The following NRXN1 variants were observed in gnomAD, a reference collection of about 807,000 sequenced individuals.
NRXN1 encodes the protein neurexin-1.
In NRXN1, 39 loss-of-function variants were observed where a neutral mutation model predicts 150.9. The observed-to-expected ratio is 0.26, with a 90% CI of 0.20 to 0.34. NRXN1 has a LOEUF of 0.34. NRXN1 is among the 10% of genes least tolerant of loss of function. NRXN1 has a pLI of 1.00. For synonymous variants in NRXN1, 924 were observed against 757.0 expected (o/e 1.22, Z -3.62); for missense variants, 1,815 against 1,949.9 (o/e 0.93, Z 1.30).
intron 18 of NRXN1, among the ~76,000 whole-genome samples, chr2:50,104,915 G>C (rs955948181): frequency 5.9e-5 from 9 of 151,966 alleles, no homozygotes; most frequent in African/African-American, 2.2e-4. Flanking sequence ...GTACTTTTCA[G>C]ACCTCCACTC....
intron 17 of NRXN1, among the ~76,000 whole-genome samples, chr2:50,369,286 T>G (rs904891351): frequency 2.0e-5 from 3 of 152,048 alleles, no homozygotes; most frequent in African/African-American, 7.2e-5. Context: ...ACTTAATGTG[T>G]ATTATATATA....
At position 50,524,217 on chromosome 2, in the gene NRXN1, G is replaced by A. The variant is rs545692600; in HGVS notation, c.2374+4408C>T. 7.9e-5 allele frequency among the ~76,000 whole-genome samples: 12 copies of A among 152,200 alleles called. No homozygotes were observed. In the East Asian group the frequency reaches 1.2e-3, roughly 15 times the overall value. Reference sequence around the variant, plus strand: ...CCTGAGGACGGGTGTGGTGGCTCACGCCTGTAATCCCAGCACTTTGGGAGG... The same window carrying A: ...CCTGAGGACGGGTGTGGTGGCTCACACCTGTAATCCCAGCACTTTGGGAGG... On this transcript the variant is annotated intron_variant, in intron 12 of 22. Transcript: ENST00000401669.
At chr2:50,556,375 C>G (rs911621935) in intron 8 of NRXN1, among the ~76,000 whole-genome samples, 2 of 152,020 alleles carry the variant, frequency 1.3e-5, no homozygotes, top group African/African-American at 4.8e-5. Context: ...ATTCTTATGT[C>G]AAAAGTTGCA....
intron 21 of NRXN1, among the ~76,000 whole-genome samples, chr2:50,007,602 G>A (rs916242215): frequency 3.9e-5 from 6 of 152,064 alleles, no homozygotes; most frequent in Admixed American, 3.9e-4. Flanking sequence ...TAGTGTATAT[G>A]TGCCACATTT....
chr2:50,712,997 C>T (rs940581105), intron 5 of NRXN1, among the ~76,000 whole-genome samples: 3 of 152,010 alleles, frequency 2.0e-5, no homozygotes, highest in Non-Finnish European at 4.4e-5. Flanking sequence ...ATCTTTTGTG[C>T]TTGTATATCT....
intron 5 of NRXN1, among the ~76,000 whole-genome samples, chr2:50,882,058 C>A (rs1023472348): frequency 2.6e-4 from 39 of 151,664 alleles, no homozygotes; most frequent in African/African-American, 7.7e-4. Context: ...ATAAAACAAC[C>A]ACTAAAAGGA....
intron 19 of NRXN1, among the ~76,000 whole-genome samples, chr2:50,080,864 T>G (rs1697854197): frequency 6.6e-6 from 1 of 152,148 alleles, no homozygotes; most frequent in Non-Finnish European, 1.5e-5. Context: ...ATTGGAAGCA[T>G]GTTTAATTAG....
chr2:50,154,536 A>G (rs2058896169), intron 18 of NRXN1, among the ~76,000 whole-genome samples: 1 of 151,826 alleles, frequency 6.6e-6, no homozygotes, highest in South Asian at 2.1e-4. Flanking sequence ...TATTGTTAAA[A>G]AAAGGACAGT....
intron 5 of NRXN1, among the ~76,000 whole-genome samples, chr2:50,629,832 C>T (rs1681930176): frequency 6.6e-6 from 1 of 151,412 alleles, no homozygotes; most frequent in Non-Finnish European, 1.5e-5. Context: ...ACCATTTGCT[C>T]TTAAGAGTAA....
chr2:50,180,032 T>C (rs2060599576), intron 18 of NRXN1, among the ~76,000 whole-genome samples: 1 of 152,288 alleles, frequency 6.6e-6, no homozygotes, highest in African/African-American at 2.4e-5. Context: ...TATTAATTTA[T>C]TTAGAGACAG....
At chr2:50,474,683 CAAAAA>C (rs754558377) in intron 15 of NRXN1, among the ~76,000 whole-genome samples, 152 of 55,004 alleles carry the variant, frequency 2.8e-3, no homozygotes, top group African/African-American at 0.012. Context: ...ACAGAAATAG[CAAAAA>C]AAAAAAAAAA....
At chr2:50,683,646 A>AAAAAAAAAAAAAAAAAAAT in intron 5 of NRXN1, among the ~76,000 whole-genome samples, 2 of 14,902 alleles carry the variant, frequency 1.3e-4, no homozygotes, top group African/African-American at 7.2e-4. Context: ...AAAAAAAAAA[A>AAAAAAAAAAAAAAAAAAAT]ATATATATAT....
chr2:49,952,505 C>G (rs1352735097), intron 21 of NRXN1, among the ~76,000 whole-genome samples: 5 of 151,952 alleles, frequency 3.3e-5, no homozygotes, highest in Non-Finnish European at 7.4e-5. Context: ...ATGGAGTTAA[C>G]CCAGAGAGTT....
intron 8 of NRXN1, among the ~76,000 whole-genome samples, chr2:50,565,361 G>T (rs1669684202): frequency 6.6e-6 from 1 of 151,658 alleles, no homozygotes; most frequent in South Asian, 2.1e-4. Flanking sequence ...ATTACCAAAA[G>T]ATATAATCGG....
intron 19 of NRXN1, among the ~76,000 whole-genome samples, chr2:50,063,827 C>T (rs12621397): frequency 0.65 from 98,378 of 151,946 alleles, 32,144 homozygotes; most frequent in African/African-American, 0.7. Flanking sequence ...CAATGCTGTA[C>T]GCCTTATGTA....
At chr2:50,858,989 G>T (rs937757170) in intron 5 of NRXN1, among the ~76,000 whole-genome samples, 1 of 151,918 alleles carries the variant, frequency 6.6e-6, no homozygotes, top group South Asian at 2.1e-4. Context: ...TTAACAGCCC[G>T]GCCTGTAAAT....
At chr2:50,969,572 T>C (rs1694683023) in intron 2 of NRXN1, among the ~76,000 whole-genome samples, 1 of 152,174 alleles carries the variant, frequency 6.6e-6, no homozygotes, top group South Asian at 2.1e-4. Flanking sequence ...AGGAACTATT[T>C]GATCTCTCAA....
At chr2:50,701,382 T>C (rs995824201) in intron 5 of NRXN1, among the ~76,000 whole-genome samples, 1 of 152,184 alleles carries the variant, frequency 6.6e-6, no homozygotes, top group Admixed American at 6.5e-5. Flanking sequence ...CTCACACTTT[T>C]GGTAACATAC....
At position 50,635,307 on chromosome 2, in the gene NRXN1, G is replaced by A. The variant is rs1341298322; in HGVS notation, c.833-11692C>T. Among the ~76,000 whole-genome samples the A allele has an allele frequency of 7.3e-5, 11 of 150,040 alleles. No homozygotes were observed. In the East Asian group the frequency reaches 1.2e-3, roughly 16 times the overall value. On this transcript the variant is annotated intron_variant, in intron 5 of 22. Coordinates refer to ENST00000401669, the MANE Select transcript of NRXN1 (RefSeq NM_001330078.2). ...CAAGTAGCTGGGATTACAGGTGCCC[G>A]CCACCATGCCTAGCTTTTTTTTTTT... is the stretch of plus-strand genomic sequence containing the variant.
Sources: allele counts gnomAD v4.1 joint callset (sites outside exome capture counted in the v4.1 genomes callset), GRCh38; gene constraint gnomAD v4.1.1; transcripts MANE v1.5; gene names NCBI Gene and HGNC (gene_info 2026-07-23, HGNC 2026-07-21).